CNTN6: variants seen among roughly 807,000 people sequenced by gnomAD.
The protein encoded by CNTN6 is contactin-6.
A neutral mutation model predicts 122.8 loss-of-function variants in CNTN6; 137 were observed. That is an observed-to-expected ratio of 1.12 (90% CI 0.97 to 1.29). The LOEUF (loss-of-function observed/expected upper bound fraction) is 1.29. CNTN6 is among the 50% of genes most tolerant of loss of function. The pLI is 0.00. For synonymous variants in CNTN6, 570 were observed against 426.0 expected (o/e 1.34, Z -4.16); for missense variants, 1,634 against 1,223.4 (o/e 1.34, Z -5.01).
chr3:1,242,319 G>A (rs957284123), intron 4 of CNTN6, among the ~76,000 whole-genome samples: 3 of 152,126 alleles, frequency 2.0e-5, no homozygotes, highest in Non-Finnish European at 4.4e-5. Context: ...GTGAGTTGTG[G>A]AGGAATGGAT....
At position 1,361,741 on chromosome 3, in the gene CNTN6, T is replaced by A. The variant is rs190920096; in HGVS notation, c.1492+9290T>A. Among the ~76,000 whole-genome samples the A allele has an allele frequency of 4.7e-3, 709 of 152,250 alleles. 5 individuals carry two copies. The highest frequency in any genetic ancestry group is 5.1e-3 in the Non-Finnish European group (344 of 68,018). ...TCCCACTGATGTTCACCACAAATATTGTTAAAATATTTAAAAATGAACAAA... is the reference window on the plus strand; with the variant it reads ...TCCCACTGATGTTCACCACAAATATAGTTAAAATATTTAAAAATGAACAAA... On this transcript the variant is annotated intron_variant, in intron 12 of 22. Coordinates refer to ENST00000446702, the MANE Select transcript of CNTN6 (RefSeq NM_001289080.2).
chr3:1,251,979 G>A (rs1194789053), intron 4 of CNTN6, among the ~76,000 whole-genome samples: 2 of 152,122 alleles, frequency 1.3e-5, no homozygotes, highest in East Asian at 1.9e-4. Context: ...ATGTGTTTCA[G>A]TTGCTTACCT....
chr3:1,246,692 G>A (rs981441945), intron 4 of CNTN6, among the ~76,000 whole-genome samples: 3 of 152,048 alleles, frequency 2.0e-5, no homozygotes, highest in Non-Finnish European at 4.4e-5. Context: ...GATATGATCA[G>A]TCTTTTTAAA....
chr3:1,394,878 A>T (rs17038604), intron 20 of CNTN6, among the ~76,000 whole-genome samples: 8,376 of 152,224 alleles, frequency 0.055, 350 homozygotes, highest in African/African-American at 0.12. Context: ...GAAAACAGTT[A>T]AATTAACCAT....
At chr3:1,347,240 C>G (rs1704873743) in intron 11 of CNTN6, among the ~76,000 whole-genome samples, 1 of 152,100 alleles carries the variant, frequency 6.6e-6, no homozygotes, top group Non-Finnish European at 1.5e-5. Flanking sequence ...CATACTATAT[C>G]TACACATATA....
At chr3:1,162,351 T>A (rs985907691) in intron 2 of CNTN6, among the ~76,000 whole-genome samples, 1 of 152,158 alleles carries the variant, frequency 6.6e-6, no homozygotes. Context: ...AAAGCACTTA[T>A]AATCAAACAC....
chr3:1,255,240 T>C (rs2094734480), intron 4 of CNTN6, among the ~76,000 whole-genome samples: 1 of 152,044 alleles, frequency 6.6e-6, no homozygotes, highest in Non-Finnish European at 1.5e-5. Flanking sequence ...ACTATGCCTC[T>C]GATGGAAGAT....
At chr3:1,124,003 A>G (rs1452516441) in intron 1 of CNTN6, among the ~76,000 whole-genome samples, 2 of 151,808 alleles carry the variant, frequency 1.3e-5, no homozygotes, top group African/African-American at 2.4e-5. Flanking sequence ...TTGTTTCCTT[A>G]TGTTGAACCA....
chr3:1,359,033 C>T (rs746038979), intron 12 of CNTN6, among the ~76,000 whole-genome samples: 15 of 151,932 alleles, frequency 9.9e-5, no homozygotes, highest in Non-Finnish European at 1.9e-4. Context: ...GTACTCCAGC[C>T]TAGGCAATAC....
chr3:1,309,902 G>C (rs1344372250), intron 7 of CNTN6, among the ~76,000 whole-genome samples: 2 of 152,134 alleles, frequency 1.3e-5, no homozygotes, highest in South Asian at 2.1e-4. Context: ...AAATGGCATT[G>C]TATGTTAATT....
At chr3:1,229,660 G>T (rs964702861) in intron 4 of CNTN6, among the ~76,000 whole-genome samples, 2 of 152,098 alleles carry the variant, frequency 1.3e-5, no homozygotes, top group Non-Finnish European at 2.9e-5. Flanking sequence ...GCAACGAGAA[G>T]TTTCTCTAGT....
intron 11 of CNTN6, among the ~76,000 whole-genome samples, chr3:1,332,630 T>C (rs1343085872): frequency 6.6e-6 from 1 of 151,798 alleles, no homozygotes; most frequent in Non-Finnish European, 1.5e-5. Flanking sequence ...ATAGACGTGG[T>C]GTGATATAGT....
At chr3:1,218,814 T>C (rs1405280254) in intron 2 of CNTN6, among the ~76,000 whole-genome samples, 2 of 152,176 alleles carry the variant, frequency 1.3e-5, no homozygotes, top group Non-Finnish European at 2.9e-5. Flanking sequence ...ATCCTCATGA[T>C]GGCTTCTAAA....
At chr3:1,094,063 G>T (rs1038518441) in intron 1 of CNTN6, among the ~76,000 whole-genome samples, 1 of 152,156 alleles carries the variant, frequency 6.6e-6, no homozygotes, top group African/African-American at 2.4e-5. Flanking sequence ...GGAAAATGAG[G>T]TATTCATAAT....
chr3:1,159,496 G>A (rs2093071489), intron 2 of CNTN6, among the ~76,000 whole-genome samples: 1 of 152,042 alleles, frequency 6.6e-6, no homozygotes, highest in African/African-American at 2.4e-5. Context: ...GACCTTGGTT[G>A]AGCATGGTAG....
At chr3:1,334,661 G>A (rs992466036) in intron 11 of CNTN6, among the ~76,000 whole-genome samples, 2 of 152,014 alleles carry the variant, frequency 1.3e-5, no homozygotes, top group Non-Finnish European at 2.9e-5. Flanking sequence ...TGATTTGGTT[G>A]GATGGATTCA....
At chr3:1,110,055 T>C (rs1209436627) in intron 1 of CNTN6, among the ~76,000 whole-genome samples, 1 of 152,142 alleles carries the variant, frequency 6.6e-6, no homozygotes, top group Non-Finnish European at 1.5e-5. Flanking sequence ...TTGAATATTT[T>C]ACATGGCCAA....
At chr3:1,102,228 G>A (rs970873943) in intron 1 of CNTN6, among the ~76,000 whole-genome samples, 5 of 152,158 alleles carry the variant, frequency 3.3e-5, no homozygotes, top group Admixed American at 6.5e-5. Context: ...ATGTGGTTGT[G>A]TAAGGAGCTC....
At chr3:1,214,945 A>G (rs936320966) in intron 2 of CNTN6, among the ~76,000 whole-genome samples, 4 of 152,138 alleles carry the variant, frequency 2.6e-5, no homozygotes, top group African/African-American at 9.6e-5. Context: ...TTTGGTAGAG[A>G]CAGGGTCTCC....
Sources: allele counts gnomAD v4.1 joint callset (sites outside exome capture counted in the v4.1 genomes callset), GRCh38; gene constraint gnomAD v4.1.1; transcripts MANE v1.5; gene names NCBI Gene and HGNC (gene_info 2026-07-23, HGNC 2026-07-21).